MYO9B: variants seen among roughly 807,000 people sequenced by gnomAD.
The protein encoded by MYO9B is unconventional myosin-IXb.
A neutral mutation model predicts 229.5 loss-of-function variants in MYO9B; 71 were observed. That is an observed-to-expected ratio of 0.31 (90% CI 0.26 to 0.38). The LOEUF (loss-of-function observed/expected upper bound fraction) is 0.38. Among genes scored for constraint, MYO9B ranks in the 10% least tolerant of loss-of-function variants. The pLI is 1.00. For missense variants in MYO9B, 2,255 were observed against 2,920.5 expected, an observed-to-expected ratio of 0.77 and a Z score of 5.25; for synonymous variants, 1,185 against 1,235.8, an observed-to-expected ratio of 0.96 and a Z score of 0.86.
At position 17,159,385 on chromosome 19, in the gene MYO9B, C is replaced by G. The variant is rs753007296; in HGVS notation, c.1330-10C>G. The G allele has an allele frequency of 2.6e-5, 42 of 1,597,242 alleles. 1 individual carries two copies. The South Asian group carries it at 3.3e-4, about 13-fold the overall frequency. The stretch of plus-strand genomic sequence containing the variant: ...CCTTTTCCTTCTCCCTCTCCTTGAC[C>G]TCCAAACAGGTGAAGCGAGAAATCT... On this transcript the variant is annotated splice_polypyrimidine_tract_variant and intron_variant, in intron 7 of 39. Transcript: ENST00000682292.
intron 8 of MYO9B, among the ~76,000 whole-genome samples, chr19:17,160,215 C>T (rs1462907092): frequency 1.3e-5 from 2 of 152,168 alleles, no homozygotes; most frequent in Non-Finnish European, 2.9e-5. Flanking sequence ...CAAACAGGCA[C>T]CGGGGACATT....
intron 26 of MYO9B, among the ~76,000 whole-genome samples, chr19:17,201,402 C>T (rs1168062340): frequency 6.6e-6 from 1 of 152,072 alleles, no homozygotes; most frequent in Non-Finnish European, 1.5e-5. Flanking sequence ...AGCTGCACAG[C>T]GGGCACAGGG....
chr19:17,118,674 G>A (rs889655192), intron 2 of MYO9B, among the ~76,000 whole-genome samples: 1 of 152,036 alleles, frequency 6.6e-6, no homozygotes, highest in Admixed American at 6.5e-5. Context: ...GTAGAGACAT[G>A]GTTTCGCCAT....
chr19:17,172,620 G>T lies in MYO9B; in HGVS notation c.1936-139G>T, dbSNP rs1221879743. On this transcript the variant is annotated intron_variant, in intron 12 of 39. Transcript: ENST00000682292. This position sits in a 1 kb window ranked among gnomAD's most constrained non-coding sequence, Gnocchi z 8.2. The stretch of plus-strand genomic sequence containing the variant: ...AATCCCCGGCTCCAATGTCCAAGGC[G>T]CCATAGTTCAAGAACTGCCATTTGC... The T allele has an allele frequency of 1.4e-6, 2 of 1,455,050 alleles. No homozygotes were observed. The highest frequency in any genetic ancestry group is 2.5e-5 in the South Asian group (2 of 79,266). 90.1% of individuals were successfully genotyped at this position (1,455,050 alleles called of 1,614,324 possible).
intron 2 of MYO9B, 79 bp downstream of exon 2, chr19:17,102,636 C>T (rs1221485519): frequency 7.5e-6 from 11 of 1,458,168 alleles, no homozygotes; most frequent in Middle Eastern, 1.8e-4. Context: ...CTCGGTGGCC[C>T]ACATCTATAA....
At chr19:17,121,151 C>A (rs2145126123) in intron 2 of MYO9B, among the ~76,000 whole-genome samples, 1 of 152,292 alleles carries the variant, frequency 6.6e-6, no homozygotes, top group South Asian at 2.1e-4. Context: ...CCATGTTGTC[C>A]AGCCTGGTCT....
At chr19:17,126,667 C>CTT (rs1555695751) in intron 2 of MYO9B, among the ~76,000 whole-genome samples, 8 of 135,234 alleles carry the variant, frequency 5.9e-5, no homozygotes, top group African/African-American at 8.1e-5. Flanking sequence ...TTTTTTTTTT[C>CTT]TTTTTTTTTT....
chr19:17,103,227 G>A (rs1267124158), intron 2 of MYO9B: 2 of 152,108 alleles, frequency 1.3e-5, no homozygotes, highest in Non-Finnish European at 2.9e-5. Context: ...GAGAAAAAGT[G>A]GAGGTTTTCT....
Position 17,102,075 on chromosome 19 carries a change from T to C in MYO9B, c.358T>C (p.Tyr120His). ...GCGCAACGCAGATGGAACCATCAAGTACGTGCATATGCAGCTGGTGGCGCA... is the reference window on the plus strand; with the variant it reads ...GCGCAACGCAGATGGAACCATCAAGCACGTGCATATGCAGCTGGTGGCGCA... ...QERNADGTIKYVHMQLVAQAT... is the reference protein window; with the variant it reads ...QERNADGTIKHVHMQLVAQAT... Residue 120 changes from tyrosine to histidine, a missense_variant, in exon 2 of 40, where the codon TAC (tyrosine) becomes CAC (histidine). By Grantham distance (83) the Tyr-to-His change is moderately conservative (BLOSUM62 2). Coordinates refer to ENST00000682292, the MANE Select transcript of MYO9B (RefSeq NM_004145.4). 1 of 1,612,772 alleles carries C rather than the reference T, an allele frequency of 6.2e-7. No homozygotes were observed. Among genetic ancestry groups the C allele is most frequent in the Non-Finnish European group, 8.5e-7 (1 of 1,179,874 alleles).
chr19:17,083,217 A>G (rs1042041668), intron 1 of MYO9B, among the ~76,000 whole-genome samples: 1 of 151,708 alleles, frequency 6.6e-6, no homozygotes, highest in East Asian at 1.9e-4. Context: ...TGTATTGTTT[A>G]TAGAGACAGG....
chr19:17,195,764 C>T lies in MYO9B; in HGVS notation c.4046+291C>T, dbSNP rs2145463548. On this transcript the variant is annotated intron_variant, in intron 22 of 39. Coordinates refer to ENST00000682292, the MANE Select transcript of MYO9B (RefSeq NM_004145.4). The surrounding 1 kb of genome is among the most constrained non-coding windows in gnomAD (Gnocchi z 4.5). ...GCTCCTCAGGTCAAGGTCCCTGCTG[C>T]CCAGAAATCTTGGGCCTTGGTTTCT... is the stretch of plus-strand genomic sequence containing the variant. Among the ~76,000 whole-genome samples, 1 of 152,216 alleles carries T rather than the reference C, an allele frequency of 6.6e-6. No individual in the cohort carries two copies. The highest frequency in any genetic ancestry group is 1.5e-5 in the Non-Finnish European group (1 of 67,998).
chr19:17,103,083 G>T (rs1405407956), intron 2 of MYO9B, among the ~76,000 whole-genome samples: 1 of 151,122 alleles, frequency 6.6e-6, no homozygotes, highest in Non-Finnish European at 1.5e-5. Flanking sequence ...TTACCGAAGT[G>T]CGGTGGCACA....
At chr19:17,187,783 A>T (rs770902755) in intron 18 of MYO9B, among the ~76,000 whole-genome samples, 152 bp from the exon 19 acceptor site, 1 of 151,980 alleles carries the variant, frequency 6.6e-6, no homozygotes, top group Non-Finnish European at 1.5e-5. Flanking sequence ...CCACGTGTGC[A>T]CCCTGACCAT....
intron 14 of MYO9B, among the ~76,000 whole-genome samples, chr19:17,178,057 G>A (rs556961560): frequency 1.3e-5 from 2 of 152,314 alleles, no homozygotes; most frequent in South Asian, 2.1e-4. Context: ...TAGCCAGGTC[G>A]GCAGGGCTGC....
At chr19:17,152,762 C>A in intron 4 of MYO9B, 56 bp downstream of exon 4, 1 of 1,483,444 alleles carries the variant, frequency 6.7e-7, no homozygotes, top group Non-Finnish European at 9.3e-7. Flanking sequence ...TACGTTTCCT[C>A]CTACAGAGGA....
At chr19:17,106,547 C>T (rs573152012) in intron 2 of MYO9B, among the ~76,000 whole-genome samples, 2 of 152,360 alleles carry the variant, frequency 1.3e-5, no homozygotes, top group African/African-American at 4.8e-5. Context: ...CCCCAGTGTC[C>T]TCCCAGCAGG....
chr19:17,141,417 T>G (rs2072338112), intron 2 of MYO9B, among the ~76,000 whole-genome samples: 1 of 152,150 alleles, frequency 6.6e-6, no homozygotes. Flanking sequence ...CCCCTGCCCC[T>G]GTGCCCTCCC....
intron 18 of MYO9B, among the ~76,000 whole-genome samples, 185 bp from the exon 19 acceptor site, chr19:17,187,750 C>T (rs1350546875): frequency 2.6e-5 from 4 of 152,028 alleles, no homozygotes; most frequent in African/African-American, 9.7e-5. Flanking sequence ...CCGTAGAACA[C>T]TCCCAGGTCG....
chr19:17,103,629 C>T (rs2057766486), intron 2 of MYO9B: 1 of 152,148 alleles, frequency 6.6e-6, no homozygotes, highest in South Asian at 2.1e-4. Context: ...GGTGTAGGCT[C>T]TGGACTGGTT....
Sources: allele counts gnomAD v4.1 joint callset (sites outside exome capture counted in the v4.1 genomes callset), GRCh38; gene constraint gnomAD v4.1.1; non-coding constraint Gnocchi (gnomAD v3.1); transcripts MANE v1.5; gene names NCBI Gene and HGNC (gene_info 2026-07-23, HGNC 2026-07-21).